The following AGMO variants were observed in gnomAD, a reference collection of about 807,000 sequenced individuals.
The protein encoded by AGMO is alkylglycerol monooxygenase, also known as glyceryl-ether monooxygenase.
In AGMO, 75 loss-of-function variants were observed where a neutral mutation model predicts 60.2. The ratio of observed to expected loss-of-function variants is 1.25; its 90% CI spans 1.03 to 1.51. The LOEUF is 1.51. Ranked by LOEUF, AGMO falls within the 40% of genes most tolerant of loss-of-function variation. AGMO has a pLI of 0.00. For missense variants in AGMO, 763 were observed against 525.5 expected (o/e 1.45, Z -4.42); for synonymous variants, 261 against 177.1 (o/e 1.47, Z -3.76).
intron 12 of AGMO, among the ~76,000 whole-genome samples, chr7:15,283,758 CCAA>C (rs1455420978): frequency 6.6e-6 from 1 of 151,918 alleles, no homozygotes; most frequent in Non-Finnish European, 1.5e-5. Flanking sequence ...AAAATTCTAC[CCAA>C]CAACTGCAGA....
chr7:15,452,649 T>C (rs1427890834), intron 3 of AGMO, among the ~76,000 whole-genome samples: 2 of 152,200 alleles, frequency 1.3e-5, no homozygotes, highest in Admixed American at 6.5e-5. Flanking sequence ...TGTAAAATGG[T>C]GCAGCTGCTT....
rs60202363 is a variant in AGMO, at chr7:15,365,380, T to TAAAAAAAAAAAAAA, written c.1263+120_1263+133dup. 1,259 of 223,426 alleles carry TAAAAAAAAAAAAAA rather than the reference T, an allele frequency of 5.6e-3. 60 individuals carry two copies. Among genetic ancestry groups the TAAAAAAAAAAAAAA allele is most frequent in the South Asian group, 0.012 (164 of 13,356 alleles). 13.8% of individuals were successfully genotyped at this position (223,426 alleles called of 1,614,324 possible). On this transcript the variant is annotated intron_variant, in intron 12 of 12. Transcript: ENST00000342526. ...GACACAACTAACAAGTACTGGTAAG[T>TAAAAAAAAAAAAAA]AAAAAAAAAAAAAAAGATCAAGATT... is the stretch of plus-strand genomic sequence containing the variant.
intron 2 of AGMO, among the ~76,000 whole-genome samples, chr7:15,545,345 C>T (rs1490813238): frequency 6.6e-6 from 1 of 152,010 alleles, no homozygotes; most frequent in Non-Finnish European, 1.5e-5. Flanking sequence ...TATACATGCC[C>T]ATATTTTAAA....
chr7:15,186,027 T>A, the AGMO span, among the ~76,000 whole-genome samples: 1 of 152,170 alleles, frequency 6.6e-6, no homozygotes, highest in African/African-American at 2.4e-5. Flanking sequence ...CTAAAACAAA[T>A]CGACCCACAA....
At chr7:15,395,215 G>A (rs1189609404) in intron 5 of AGMO, among the ~76,000 whole-genome samples, 1 of 152,122 alleles carries the variant, frequency 6.6e-6, no homozygotes, top group Non-Finnish European at 1.5e-5. Context: ...CTTCCGTTTG[G>A]AGGACATATG....
At chr7:15,374,254 T>C (rs1232864845) in intron 10 of AGMO, among the ~76,000 whole-genome samples, 1 of 152,028 alleles carries the variant, frequency 6.6e-6, no homozygotes, top group Non-Finnish European at 1.5e-5. Context: ...TTTTCAGAAC[T>C]CCCTAGGTGG....
chr7:15,247,813 A>G (rs1459550417), intron 12 of AGMO, among the ~76,000 whole-genome samples: 1 of 151,936 alleles, frequency 6.6e-6, no homozygotes, highest in African/African-American at 2.4e-5. Context: ...ATACTAGACA[A>G]TGGAAATAAG....
At chr7:15,541,035 C>T (rs140627625) in intron 3 of AGMO, among the ~76,000 whole-genome samples, 194 of 152,246 alleles carry the variant, frequency 1.3e-3, no homozygotes, top group Non-Finnish European at 2.1e-3. Context: ...AAAATCTTTA[C>T]CTGTTTTCTT....
intron 12 of AGMO, among the ~76,000 whole-genome samples, chr7:15,341,918 T>C (rs376576381): frequency 6.6e-6 from 1 of 151,752 alleles, no homozygotes; most frequent in Admixed American, 6.6e-5. Context: ...CATGGGAAAA[T>C]CTGCTCTATG....
At chr7:15,200,116 T>TTTAAATTATTAAATTTTATTA (rs965441521), downstream of AGMO, among the ~76,000 whole-genome samples, 1 of 151,990 alleles carries the variant, frequency 6.6e-6, no homozygotes, top group African/African-American at 2.4e-5. Context: ...TCTTTGATTA[T>TTTAAATTATTAAATTTTATTA]TTAAATTATT....
At chr7:15,260,697 C>A (rs1783242052) in intron 12 of AGMO, among the ~76,000 whole-genome samples, 2 of 152,180 alleles carry the variant, frequency 1.3e-5, no homozygotes, top group Middle Eastern at 6.8e-3. Context: ...TTCTACCCAA[C>A]AACTGAAGAA....
At chr7:15,219,204 A>G (rs1301457696) in intron 12 of AGMO, among the ~76,000 whole-genome samples, 1 of 152,198 alleles carries the variant, frequency 6.6e-6, no homozygotes, top group East Asian at 1.9e-4. Flanking sequence ...TTCTACTCTT[A>G]CGGGGTTTGA....
chr7:15,531,662 A>T lies in AGMO; in HGVS notation c.409+13110T>A, dbSNP rs561194107. Among the ~76,000 whole-genome samples the T allele has an allele frequency of 4.1e-3, 542 of 131,986 alleles. 12 individuals are homozygous for T. The highest frequency in any genetic ancestry group is 0.015 in the African/African-American group (507 of 33,708). 86.6% of individuals were successfully genotyped at this position (131,986 alleles called of 152,430 possible). A position where few individuals can be genotyped will look rare whatever the true frequency, so the allele number is the denominator to read the frequency against. On this transcript the variant is annotated intron_variant, in intron 3 of 12. Transcript: ENST00000342526. ...ATATATAGAAAATATAAATATATAT[A>T]TTTTTTTAGAGGGAGTCTCACTCTA...
At chr7:15,153,165 C>CTTGGTT in the AGMO span, among the ~76,000 whole-genome samples, 113 of 137,814 alleles carry the variant, frequency 8.2e-4, no homozygotes, top group African/African-American at 2.9e-3. Flanking sequence ...ATATCCTTAG[C>CTTGGTT]TTGGTTTTTG....
At chr7:15,479,901 G>T (rs1782705275) in intron 3 of AGMO, among the ~76,000 whole-genome samples, 1 of 152,124 alleles carries the variant, frequency 6.6e-6, no homozygotes, top group Admixed American at 6.6e-5. Flanking sequence ...GATTAGGAAG[G>T]ATGTGCCCGT....
chr7:15,364,602 G>A (rs1285417999), intron 12 of AGMO, among the ~76,000 whole-genome samples: 6 of 151,978 alleles, frequency 3.9e-5, no homozygotes, highest in Non-Finnish European at 8.8e-5. Flanking sequence ...ACCGATTCGC[G>A]TGTGTGAGTA....
intron 1 of AGMO, among the ~76,000 whole-genome samples, chr7:15,561,063 TATG>T (rs1306807695): frequency 4.6e-5 from 7 of 152,204 alleles, no homozygotes; most frequent in Non-Finnish European, 1.0e-4. Context: ...TAACATATTC[TATG>T]ATGTCATTTT....
At chr7:15,500,078 G>A (rs952660299) in intron 3 of AGMO, among the ~76,000 whole-genome samples, 1 of 151,652 alleles carries the variant, frequency 6.6e-6, no homozygotes, top group Non-Finnish European at 1.5e-5. Flanking sequence ...CTCTCTGAAT[G>A]TACATTGTCT....
intron 2 of AGMO, among the ~76,000 whole-genome samples, chr7:15,555,089 C>A (rs1785089134): frequency 6.6e-6 from 1 of 151,584 alleles, no homozygotes; most frequent in African/African-American, 2.4e-5. Flanking sequence ...TATTATTCCA[C>A]AACTGTCATT....
Sources: allele counts gnomAD v4.1 joint callset (sites outside exome capture counted in the v4.1 genomes callset), GRCh38; gene constraint gnomAD v4.1.1; transcripts MANE v1.5; gene names NCBI Gene and HGNC (gene_info 2026-07-23, HGNC 2026-07-21).